Variants in CSMD2 observed in about 807,000 individuals in gnomAD.
CSMD2 encodes the protein CUB and Sushi multiple domains 2.
CSMD2 carries 130 observed loss-of-function variants against 398.5 expected under a neutral mutation model. The ratio of observed to expected loss-of-function variants is 0.33; its 90% confidence interval spans 0.28 to 0.38. The LOEUF (loss-of-function observed/expected upper bound fraction) is 0.38, where lower values mean the gene tolerates loss of function less well. Among genes scored for constraint, CSMD2 ranks in the 10% least tolerant of loss-of-function variants. CSMD2 has a pLI of 1.00. For missense variants in CSMD2, 3,829 were observed against 4,764.9 expected, an observed-to-expected ratio of 0.80 and a Z score of 5.78; for synonymous variants, 1,828 against 1,908.5, an observed-to-expected ratio of 0.96 and a Z score of 1.10.
chr1:33,808,021 G>A (rs777641653), intron 10 of CSMD2, among the ~76,000 whole-genome samples: 3 of 152,120 alleles, frequency 2.0e-5, no homozygotes, highest in Non-Finnish European at 2.9e-5. Flanking sequence ...TACAGATAAA[G>A]AGAGTTACTA....
intron 23 of CSMD2, among the ~76,000 whole-genome samples, chr1:33,699,399 C>G (rs10798982): frequency 6.6e-6 from 1 of 152,074 alleles, no homozygotes; most frequent in Non-Finnish European, 1.5e-5. Flanking sequence ...TCCCACTCTA[C>G]GGCGCTATAC....
intron 2 of CSMD2, among the ~76,000 whole-genome samples, chr1:34,086,523 A>G (rs1162999381): frequency 6.6e-6 from 1 of 152,162 alleles, no homozygotes; most frequent in Non-Finnish European, 1.5e-5. Flanking sequence ...GGAAACAGCT[A>G]CTTCTTTCCA....
intron 15 of CSMD2, among the ~76,000 whole-genome samples, chr1:33,736,987 T>C (rs189345814): frequency 6.6e-6 from 1 of 152,292 alleles, no homozygotes; most frequent in East Asian, 1.9e-4. Context: ...GGGGCTGGTC[T>C]GTAGGAAGGT....
intron 28 of CSMD2, 26 bp from the exon 29 acceptor site, chr1:33,646,861 C>G (rs748359035): frequency 4.3e-5 from 68 of 1,588,480 alleles, no homozygotes; most frequent in Non-Finnish European, 5.7e-5. Flanking sequence ...ATCCCACCCC[C>G]ACCCCACTAA....
At chr1:33,553,487 T>C (rs1657660499) in intron 55 of CSMD2, among the ~76,000 whole-genome samples, 3 of 152,172 alleles carry the variant, frequency 2.0e-5, no homozygotes, top group African/African-American at 7.2e-5. Flanking sequence ...AGTGCCCCTA[T>C]TCCCTGAGAC....
At chr1:33,922,906 G>T (rs1328812135) in intron 4 of CSMD2, among the ~76,000 whole-genome samples, 1 of 152,000 alleles carries the variant, frequency 6.6e-6, no homozygotes, top group Non-Finnish European at 1.5e-5. Context: ...CATTCTTTTG[G>T]TTTTTCAGTT....
chr1:33,686,145 T>G (rs1645055851), intron 25 of CSMD2, among the ~76,000 whole-genome samples: 1 of 152,204 alleles, frequency 6.6e-6, no homozygotes, highest in Non-Finnish European at 1.5e-5. Flanking sequence ...GTGCTATAGG[T>G]ATTTGATGAA....
At chr1:33,560,300 C>A (rs988778579) in intron 53 of CSMD2, among the ~76,000 whole-genome samples, 1 of 152,118 alleles carries the variant, frequency 6.6e-6, no homozygotes, top group South Asian at 2.1e-4. Context: ...TATTAGTAAG[C>A]GAGGTAATAT....
rs1427664404 is a variant in CSMD2 at position 33,698,959 on chromosome 1, A to C, written c.3734-15T>G. 1 of 1,609,306 alleles carries C rather than the reference A, an allele frequency of 6.2e-7. No individual in the cohort carries two copies. ...GAGTTCAAAGCCTGGTGAGGAGAGA[A>C]GAGGTAGAGTGAGTAAGACCTATTG... On this transcript the variant is annotated splice_polypyrimidine_tract_variant and intron_variant, in intron 23 of 70. Transcript: ENST00000373381.
intron 2 of CSMD2, among the ~76,000 whole-genome samples, chr1:34,042,656 T>C (rs1362946469): frequency 6.6e-6 from 1 of 152,154 alleles, no homozygotes; most frequent in Admixed American, 6.5e-5. Context: ...AAGGACATAA[T>C]GATCAGGAAT....
chr1:33,964,518 C>T (rs755249813), intron 3 of CSMD2, among the ~76,000 whole-genome samples: 1 of 152,152 alleles, frequency 6.6e-6, no homozygotes, highest in Non-Finnish European at 1.5e-5. Context: ...GTTCTAGAAG[C>T]CTTAAGTTTT....
intron 12 of CSMD2, among the ~76,000 whole-genome samples, chr1:33,783,667 A>G (rs1653124295): frequency 1.3e-5 from 2 of 152,180 alleles, no homozygotes; most frequent in Non-Finnish European, 2.9e-5. Context: ...CTATTAAAAC[A>G]GTACAACCGT....
intron 46 of CSMD2, among the ~76,000 whole-genome samples, chr1:33,585,751 C>T (rs1304162308): frequency 2.0e-5 from 3 of 152,174 alleles, no homozygotes; most frequent in Non-Finnish European, 2.9e-5. Flanking sequence ...GAAAGGCTGA[C>T]CTGTTTCCCC....
At chr1:33,601,443 C>T (rs539984961) in intron 43 of CSMD2, among the ~76,000 whole-genome samples, 1 of 152,296 alleles carries the variant, frequency 6.6e-6, no homozygotes, top group South Asian at 2.1e-4. Flanking sequence ...CCTTTTGGGA[C>T]AAAAGATTTC....
At chr1:33,605,520 T>C in intron 41 of CSMD2, 50 bp from the exon 42 acceptor site, 2 of 1,580,030 alleles carry the variant, frequency 1.3e-6, no homozygotes, top group Non-Finnish European at 1.7e-6. Context: ...GACCAGAAAA[T>C]AGGAGCGGCA....
In CSMD2 at chr1:34,002,424, C is replaced by T. The variant is rs189767190; in HGVS notation, c.517+30170G>A. Among the ~76,000 whole-genome samples, 7 of 152,270 alleles carry T rather than the reference C, an allele frequency of 4.6e-5. No individual in the cohort carries two copies. In the East Asian group the frequency reaches 1.3e-3, roughly 29 times the overall value. ...GTTCTGAAGTTCTGGGTTCAACACTCCCCCAGACTATTACTCTCCTGGTGC... is the reference window on the plus strand; with the variant it reads ...GTTCTGAAGTTCTGGGTTCAACACTTCCCCAGACTATTACTCTCCTGGTGC... On this transcript the variant is annotated intron_variant, in intron 3 of 70. Transcript: ENST00000373381.
chr1:33,719,524 T>C (rs966247666), intron 19 of CSMD2, among the ~76,000 whole-genome samples: 1 of 152,194 alleles, frequency 6.6e-6, no homozygotes, highest in Admixed American at 6.5e-5. Context: ...AGGCCCCATG[T>C]TGGAGTTTGA....
At chr1:33,667,637 C>T (rs1644358791) in intron 25 of CSMD2, among the ~76,000 whole-genome samples, 1 of 152,112 alleles carries the variant, frequency 6.6e-6, no homozygotes, top group East Asian at 1.9e-4. Context: ...GTGAGTCATA[C>T]GTAAGCTGAT....
intron 5 of CSMD2, among the ~76,000 whole-genome samples, chr1:33,852,798 T>C (rs1638812177): frequency 6.6e-6 from 1 of 152,248 alleles, no homozygotes; most frequent in South Asian, 2.1e-4. Context: ...GTTGGCAAAC[T>C]ATAGCTTGCT....
Sources: allele counts gnomAD v4.1 joint callset (sites outside exome capture counted in the v4.1 genomes callset), GRCh38; gene constraint gnomAD v4.1.1; transcripts MANE v1.5; gene names NCBI Gene and HGNC (gene_info 2026-07-23, HGNC 2026-07-21).